Variants in NOS1 observed in about 807,000 individuals in gnomAD.
NOS1 encodes nitric oxide synthase 1.
Under a neutral mutation model 164.5 loss-of-function variants are expected in NOS1, and 51 were observed. The observed-to-expected ratio is 0.31, with a 90% confidence interval of 0.25 to 0.39. NOS1 has a LOEUF of 0.39. Ranked by LOEUF, NOS1 falls within the 10% of genes least tolerant of loss-of-function variation. The pLI is 1.00. For missense variants in NOS1, 1,362 were observed against 1,885.6 expected (o/e 0.72, Z 5.14); for synonymous variants, 719 against 745.8 (o/e 0.96, Z 0.59).
Position 117,265,935 on chromosome 12 carries a change from C to T in NOS1, c.1942-425G>A, listed in dbSNP as rs907638904. ...CCTCCCGAGTAGCTGGGACTACAGG[C>T]GCCCGCCACCACGCCTGGCTAATTT... On this transcript the variant is annotated intron_variant, in intron 11 of 28. Transcript: ENST00000317775. 2.3e-3 allele frequency among the ~76,000 whole-genome samples: 340 copies of T among 150,122 alleles called. 1 individual carries two copies. The highest frequency in any genetic ancestry group is 7.7e-3 in the African/African-American group (317 of 40,906).
chr12:117,238,068 AG>A (rs1869871609), intron 20 of NOS1, among the ~76,000 whole-genome samples: 1 of 152,164 alleles, frequency 6.6e-6, no homozygotes, highest in African/African-American at 2.4e-5. Context: ...GGCATGTTCA[AG>A]GAAGGGAAAG....
At position 117,210,325 on chromosome 12, in the gene NOS1, T is replaced by C. The variant is rs1163159864; in HGVS notation, c.*4984A>G. ...ATTTGGATGCAGGAGACTATGAAGG[T>C]TGGGGACAGCCAGAGAGTATGAATG... On this transcript the variant is annotated 3_prime_UTR_variant, in exon 29 of 29. Coordinates refer to ENST00000317775, the MANE Select transcript of NOS1 (RefSeq NM_000620.5). 1.3e-5 allele frequency: 13 copies of C among 985,090 alleles called. No individual in the cohort carries two copies. The highest frequency in any genetic ancestry group is 4.7e-5 in the South Asian group (1 of 21,274). 61.0% of individuals were successfully genotyped at this position (985,090 alleles called of 1,614,324 possible).
chr12:117,217,575 C>A (rs1251892208), intron 28 of NOS1, among the ~76,000 whole-genome samples: 1 of 152,062 alleles, frequency 6.6e-6, no homozygotes, highest in African/African-American at 2.4e-5. Flanking sequence ...TGTGGTGGTG[C>A]ACGCCTGTAG....
rs750661575 is a variant in NOS1, at chr12:117,330,959, A to G, written c.111T>C (p.Ser37=). 38 of 1,614,062 alleles carry G rather than the reference A, an allele frequency of 2.4e-5. No individual in the cohort carries two copies. In the African/African-American group the frequency reaches 4.8e-4, roughly 20 times the overall value. ...GGTCAGAGATGATCACGGGCGGCTT[A>G]CTGACCCGCTCCTTCACCAGAAATC... is the stretch of plus-strand genomic sequence containing the variant. ...GLGFLVKERV[S]KPPVIISDLI... is the part of the protein sequence containing the mutation. Residue 37 remains serine, a synonymous_variant, in exon 2 of 29, where the codon AGT becomes AGC. Coordinates refer to ENST00000317775, the MANE Select transcript of NOS1 (RefSeq NM_000620.5). The surrounding 1 kb of genome is among the most constrained non-coding windows in gnomAD (Gnocchi z 4.6).
intron 26 of NOS1, 105 bp from the exon 27 acceptor site, chr12:117,220,374 G>T: frequency 8.8e-7 from 1 of 1,141,698 alleles, no homozygotes; most frequent in Non-Finnish European, 1.2e-6. Flanking sequence ...CTTGTGGGCA[G>T]GTAGGATCTT....
intron 21 of NOS1, among the ~76,000 whole-genome samples, chr12:117,233,190 G>A (rs1869402715): frequency 6.6e-6 from 1 of 151,760 alleles, no homozygotes; most frequent in Non-Finnish European, 1.5e-5. Context: ...TGGGATTACA[G>A]GCATGTGCCA....
At chr12:117,225,246 T>G in intron 24 of NOS1, 109 bp from the exon 25 acceptor site, 18 of 1,408,558 alleles carry the variant, frequency 1.3e-5, no homozygotes, top group Non-Finnish European at 1.5e-5. Context: ...ACAATGAGAC[T>G]TAAGGCTCTT....
chr12:117,243,248 C>T lies in NOS1; in HGVS notation c.2962+49G>A, dbSNP rs771606500. 2 of 1,606,140 alleles carry T rather than the reference C, an allele frequency of 1.2e-6. No individual in the cohort carries two copies. The highest frequency in any genetic ancestry group is 2.2e-5 in the East Asian group (1 of 44,812). ...ACCTTCTGGAGGTGAGATCACCTGC[C>T]TTTCCCCCATTGTCACGAATACCTC... On this transcript the variant is annotated intron_variant, in intron 19 of 28. Coordinates refer to ENST00000317775, the MANE Select transcript of NOS1 (RefSeq NM_000620.5). The surrounding 1 kb of genome is among the most constrained non-coding windows in gnomAD (Gnocchi z 4.3).
chr12:117,297,139 T>C (rs573077000), intron 3 of NOS1, among the ~76,000 whole-genome samples: 1 of 152,236 alleles, frequency 6.6e-6, no homozygotes, highest in Non-Finnish European at 1.5e-5. Flanking sequence ...TGAGTGATCT[T>C]ATCTCAGCTG....
intron 2 of NOS1, among the ~76,000 whole-genome samples, chr12:117,323,374 T>C (rs514015): frequency 1 from 151,723 of 152,344 alleles, 75,554 homozygotes; most frequent in East Asian, 1. Flanking sequence ...TTCCAGTGTC[T>C]TAAAAAATGT....
At chr12:117,253,835 A>G (rs1005648862) in intron 16 of NOS1, 81 bp from the exon 17 acceptor site, 1 of 902,334 alleles carries the variant, frequency 1.1e-6, no homozygotes, top group Non-Finnish European at 1.8e-6. Flanking sequence ...TCTTCAAGTG[A>G]CCAGTCCTGA....
At chr12:117,303,943 C>T (rs945226595) in intron 3 of NOS1, among the ~76,000 whole-genome samples, 3 of 152,162 alleles carry the variant, frequency 2.0e-5, no homozygotes, top group Admixed American at 6.5e-5. Context: ...GAGGCTGAGG[C>T]GGGTGGATCA....
At chr12:117,266,334 C>T (rs1430259582) in intron 11 of NOS1, among the ~76,000 whole-genome samples, 1 of 152,124 alleles carries the variant, frequency 6.6e-6, no homozygotes, top group Non-Finnish European at 1.5e-5. Context: ...GCTTAGCTCC[C>T]ACTAATGAGT....
At chr12:117,284,177 A>C (rs1007954362) in intron 7 of NOS1, among the ~76,000 whole-genome samples, 4 of 152,176 alleles carry the variant, frequency 2.6e-5, no homozygotes, top group Non-Finnish European at 5.9e-5. Context: ...AACTCAGTGA[A>C]GCCCGGGCGC....
chr12:117,226,582 C>T, intron 24 of NOS1, 101 bp downstream of exon 24: 1 of 955,650 alleles, frequency 1.0e-6, no homozygotes, highest in Non-Finnish European at 1.7e-6. Context: ...TGTCACCCAG[C>T]CATCTCTCTA....
chr12:117,351,919 G>A (rs939473), intron 1 of NOS1, among the ~76,000 whole-genome samples: 16,852 of 152,148 alleles, frequency 0.11, 1,014 homozygotes, highest in Non-Finnish European at 0.13. Flanking sequence ...GGTGGCTTAC[G>A]CCTGTAATCC....
At chr12:117,296,017 A>G (rs1371661575) in intron 3 of NOS1, among the ~76,000 whole-genome samples, 1 of 151,996 alleles carries the variant, frequency 6.6e-6, no homozygotes, top group Non-Finnish European at 1.5e-5. Context: ...AGCACTTAAC[A>G]CTACCTGTGG....
At chr12:117,237,288 T>C (rs1033227738) in intron 20 of NOS1, among the ~76,000 whole-genome samples, 6 of 152,070 alleles carry the variant, frequency 3.9e-5, no homozygotes, top group African/African-American at 9.7e-5. Flanking sequence ...CCCGCCACCA[T>C]GCCCGGCTAG....
At chr12:117,337,104 CTCTTTTTTTTTTTT>C (rs1324139286) in intron 1 of NOS1, among the ~76,000 whole-genome samples, 2 of 94,074 alleles carry the variant, frequency 2.1e-5, no homozygotes, top group African/African-American at 3.9e-5. Flanking sequence ...CTGCTTTTTA[CTCTTTTTTTTTTTT>C]TTTTTTTTTT....
Sources: allele counts gnomAD v4.1 joint callset (sites outside exome capture counted in the v4.1 genomes callset), GRCh38; gene constraint gnomAD v4.1.1; non-coding constraint Gnocchi (gnomAD v3.1); transcripts MANE v1.5; gene names NCBI Gene and HGNC (gene_info 2026-07-23, HGNC 2026-07-21).